The following ZEB1 variants were observed in gnomAD, a reference collection of about 807,000 sequenced individuals.
ZEB1 encodes the protein zinc finger E-box binding homeobox 1, also known as zinc finger E-box-binding homeobox 1.
ZEB1 carries 21 observed loss-of-function variants against 84.9 expected under a neutral mutation model. The observed-to-expected ratio is 0.25, with a 90% CI of 0.18 to 0.36. The LOEUF is 0.36. Ranked by LOEUF, ZEB1 falls within the 10% of genes least tolerant of loss-of-function variation. The pLI, the probability that ZEB1 is intolerant of heterozygous loss-of-function variation, is 1.00. For synonymous variants in ZEB1, 420 were observed against 471.1 expected (o/e 0.89, Z 1.41); for missense variants, 1,104 against 1,330.2 (o/e 0.83, Z 2.65).
At chr10:31,412,512 T>G (rs2054495058) in intron 1 of ZEB1, among the ~76,000 whole-genome samples, 1 of 152,194 alleles carries the variant, frequency 6.6e-6, no homozygotes, top group South Asian at 2.1e-4. Context: ...ATGCGGTGTT[T>G]GGTTTTCTGT....
At chr10:31,425,394 G>A (rs1296627677) in intron 1 of ZEB1, among the ~76,000 whole-genome samples, 6 of 151,862 alleles carry the variant, frequency 4.0e-5, no homozygotes, top group Non-Finnish European at 7.4e-5. Context: ...TTTAATAATC[G>A]CAATTCAGTT....
intron 5 of ZEB1, among the ~76,000 whole-genome samples, chr10:31,512,227 C>T (rs1401803887): frequency 2.6e-5 from 4 of 152,152 alleles, no homozygotes; most frequent in Non-Finnish European, 5.9e-5. Flanking sequence ...GCTGCTGCCA[C>T]CATATTCCCT....
chr10:31,353,759 A>C (rs1398097429), intron 1 of ZEB1, among the ~76,000 whole-genome samples: 1 of 152,200 alleles, frequency 6.6e-6, no homozygotes, highest in African/African-American at 2.4e-5. Flanking sequence ...TTTTAGTCTC[A>C]TTAGTCACCA....
chr10:31,406,543 G>GT (rs1457844610), intron 1 of ZEB1, among the ~76,000 whole-genome samples: 1 of 151,496 alleles, frequency 6.6e-6, no homozygotes, highest in Admixed American at 6.6e-5. Flanking sequence ...TGATGGAGTT[G>GT]TTTTTTTCTT....
intron 1 of ZEB1, among the ~76,000 whole-genome samples, chr10:31,382,094 T>G (rs978659225): frequency 6.7e-6 from 1 of 150,350 alleles, no homozygotes; most frequent in Non-Finnish European, 1.5e-5. Context: ...AGACATGGCC[T>G]GGATCCCGTG....
At chr10:31,394,021 C>G (rs1450024325) in intron 1 of ZEB1, among the ~76,000 whole-genome samples, 1 of 152,096 alleles carries the variant, frequency 6.6e-6, no homozygotes, top group Non-Finnish European at 1.5e-5. Flanking sequence ...AAACAAAACA[C>G]ATTGCCTGCC....
chr10:31,320,575 A>G (rs1200772324), intron 1 of ZEB1: 2 of 152,108 alleles, frequency 1.3e-5, no homozygotes, highest in Non-Finnish European at 2.9e-5. Context: ...CTGCTGTGCC[A>G]AGGGAAACAC....
chr10:31,362,956 A>G, intron 1 of ZEB1: 1 of 1,533,664 alleles, frequency 6.5e-7, no homozygotes, highest in Non-Finnish European at 8.7e-7. Context: ...AGCCTGACCC[A>G]CCAACAGTGC....
At chr10:31,378,285 T>A (rs1164641000) in intron 1 of ZEB1, among the ~76,000 whole-genome samples, 2 of 151,384 alleles carry the variant, frequency 1.3e-5, no homozygotes, top group Non-Finnish European at 3.0e-5. Flanking sequence ...CAAGTGAACA[T>A]TGAGTAAAAA....
At chr10:31,324,588 G>A (rs1393251825) in intron 1 of ZEB1, among the ~76,000 whole-genome samples, 1 of 151,996 alleles carries the variant, frequency 6.6e-6, no homozygotes, top group East Asian at 1.9e-4. Flanking sequence ...ACAGCGAGAG[G>A]TTAGAAAACT....
chr10:31,426,159 G>A (rs1027146692), intron 1 of ZEB1, among the ~76,000 whole-genome samples: 5 of 152,144 alleles, frequency 3.3e-5, no homozygotes, highest in Non-Finnish European at 7.4e-5. Flanking sequence ...ATGTTGTTCT[G>A]AGGATGTTCT....
chr10:31,319,964 G>T (rs1025987443), intron 1 of ZEB1: 1 of 148,886 alleles, frequency 6.7e-6, no homozygotes, highest in African/African-American at 2.5e-5. Context: ...GCGGGCGCCG[G>T]CTGTGCGCGC....
chr10:31,354,855 G>C (rs557575617), intron 1 of ZEB1, among the ~76,000 whole-genome samples: 134 of 152,258 alleles, frequency 8.8e-4, no homozygotes, highest in Non-Finnish European at 1.4e-3. Context: ...GACATTTTAA[G>C]AGGTAATTTA....
Position 31,374,069 on chromosome 10 carries a change from A to G in ZEB1, c.58+54777A>G, listed in dbSNP as rs111875326. 9.3e-4 allele frequency among the ~76,000 whole-genome samples: 141 copies of G among 151,948 alleles called. 3 individuals are homozygous for G. Among genetic ancestry groups the G allele is most frequent in the African/African-American group, 3.2e-3 (134 of 41,538 alleles). ...TCTTTAAGATTGATGTTTATCTGAGATTATTCCAGCATGTCCACGGACATA... is the reference window on the plus strand; with the variant it reads ...TCTTTAAGATTGATGTTTATCTGAGGTTATTCCAGCATGTCCACGGACATA... On this transcript the variant is annotated intron_variant, in intron 1 of 8. Coordinates refer to ENST00000424869, the MANE Select transcript of ZEB1 (RefSeq NM_001174096.2).
At chr10:31,375,557 T>A (rs958009271) in intron 1 of ZEB1, among the ~76,000 whole-genome samples, 1 of 151,796 alleles carries the variant, frequency 6.6e-6, no homozygotes, top group Non-Finnish European at 1.5e-5. Context: ...TGAATTTGAA[T>A]TGACTTCTTT....
chr10:31,476,599 C>G (rs2064228818), intron 2 of ZEB1, among the ~76,000 whole-genome samples: 1 of 151,962 alleles, frequency 6.6e-6, no homozygotes, highest in Admixed American at 6.6e-5. Flanking sequence ...AAGGATACCT[C>G]CCTAACTCTT....
At chr10:31,376,350 T>C (rs1267560928) in intron 1 of ZEB1, among the ~76,000 whole-genome samples, 7 of 151,774 alleles carry the variant, frequency 4.6e-5, no homozygotes, top group Non-Finnish European at 1.0e-4. Flanking sequence ...TTCATTTTGA[T>C]GTAAAAATTA....
At chr10:31,365,043 T>G (rs2134246935) in intron 1 of ZEB1, among the ~76,000 whole-genome samples, 1 of 152,304 alleles carries the variant, frequency 6.6e-6, no homozygotes, top group South Asian at 2.1e-4. Context: ...AGATGTTCTT[T>G]CTCGTCTGAT....
At chr10:31,362,101 C>G (rs2043274007) in intron 1 of ZEB1, among the ~76,000 whole-genome samples, 1 of 150,444 alleles carries the variant, frequency 6.6e-6, no homozygotes, top group Non-Finnish European at 1.5e-5. Context: ...CAGGGGCACT[C>G]CTTACTTCGC....
Sources: allele counts gnomAD v4.1 joint callset (sites outside exome capture counted in the v4.1 genomes callset), GRCh38; gene constraint gnomAD v4.1.1; transcripts MANE v1.5; gene names NCBI Gene and HGNC (gene_info 2026-07-23, HGNC 2026-07-21).